TMEM232: variants seen among roughly 807,000 people sequenced by gnomAD.
TMEM232 encodes the protein transmembrane protein 232.
A neutral mutation model predicts 78.8 loss-of-function variants in TMEM232; 80 were observed. The observed-to-expected ratio is 1.01, with a 90% CI of 0.85 to 1.22. The LOEUF (loss-of-function observed/expected upper bound fraction) is 1.22. Ranked by LOEUF, TMEM232 falls within the 50% of genes most tolerant of loss-of-function variation. TMEM232 has a pLI of 0.00. For synonymous variants in TMEM232, 297 were observed against 254.3 expected (o/e 1.17, Z -1.60); for missense variants, 881 against 742.2 (o/e 1.19, Z -2.17).
intron 2 of TMEM232, among the ~76,000 whole-genome samples, chr5:110,402,765 T>C (rs1561456919): frequency 6.6e-6 from 1 of 152,124 alleles, no homozygotes; most frequent in Non-Finnish European, 1.5e-5. Flanking sequence ...GATGTCCAGA[T>C]AGCCTACAAT....
chr5:110,600,113 G>C lies in TMEM232; in HGVS notation c.1276+4996C>G, dbSNP rs534513475. Among the ~76,000 whole-genome samples, 23 of 152,152 alleles carry C rather than the reference G, an allele frequency of 1.5e-4. No individual in the cohort carries two copies. The South Asian group carries it at 3.1e-3, about 21-fold the overall frequency. On this transcript the variant is annotated intron_variant, in intron 10 of 13. Transcript: ENST00000455884. Reference sequence around the variant, plus strand: ...GAAACAAATAAGTTCTTTGAAACCAGTGACAACAAAGGAACAATGTACCAG... The same window carrying C: ...GAAACAAATAAGTTCTTTGAAACCACTGACAACAAAGGAACAATGTACCAG...
At chr5:110,650,401 A>C (rs961311727) in intron 2 of TMEM232, among the ~76,000 whole-genome samples, 1 of 152,130 alleles carries the variant, frequency 6.6e-6, no homozygotes, top group Non-Finnish European at 1.5e-5. Flanking sequence ...AGAGTACAGT[A>C]AGCCAAAGGG....
intron 1 of TMEM232, among the ~76,000 whole-genome samples, chr5:110,678,026 A>G (rs527836326): frequency 1.1e-4 from 16 of 151,854 alleles, no homozygotes; most frequent in African/African-American, 3.9e-4. Context: ...TGTGTTCCCT[A>G]TGTGCACATG....
chr5:110,522,127 G>C (rs1769611684), intron 12 of TMEM232, among the ~76,000 whole-genome samples: 1 of 152,060 alleles, frequency 6.6e-6, no homozygotes, highest in Non-Finnish European at 1.5e-5. Flanking sequence ...CAATCTAGAA[G>C]TCTTTTACAT....
At chr5:110,499,458 T>C (rs1055477711) in intron 12 of TMEM232, among the ~76,000 whole-genome samples, 1 of 152,054 alleles carries the variant, frequency 6.6e-6, no homozygotes, top group African/African-American at 2.4e-5. Flanking sequence ...GTTCTTGCTA[T>C]GTTGCCAGGC....
intron 2 of TMEM232, among the ~76,000 whole-genome samples, chr5:110,665,042 G>T (rs1406470789): frequency 2.0e-5 from 3 of 152,064 alleles, no homozygotes; most frequent in Admixed American, 2.0e-4. Flanking sequence ...TTGAGGTTGG[G>T]ACTTCAACAT....
chr5:110,436,008 CTTTTAGT>C (rs1403075118), intron 12 of TMEM232, among the ~76,000 whole-genome samples: 2 of 151,834 alleles, frequency 1.3e-5, no homozygotes, highest in Non-Finnish European at 2.9e-5. Context: ...GATAGCTTTA[CTTTTAGT>C]TTTCAGAGGA....
intron 8 of TMEM232, chr5:110,610,572 TA>T (rs1335290933): frequency 2.2e-6 from 1 of 456,080 alleles, no homozygotes; most frequent in Non-Finnish European, 4.4e-6. Flanking sequence ...TCTCTCTAGG[TA>T]AAGCACAGGA....
chr5:110,686,935 C>G (rs1339627794), intron 1 of TMEM232, among the ~76,000 whole-genome samples: 1 of 152,134 alleles, frequency 6.6e-6, no homozygotes, highest in African/African-American at 2.4e-5. Context: ...GCTCATGTAG[C>G]ATCACATCAC....
intron 1 of TMEM232, among the ~76,000 whole-genome samples, chr5:110,700,284 T>A (rs1193012610): frequency 6.6e-6 from 1 of 152,062 alleles, no homozygotes; most frequent in Non-Finnish European, 1.5e-5. Context: ...ATGAAGACAG[T>A]CTAAGGAATT....
intron 10 of TMEM232, among the ~76,000 whole-genome samples, chr5:110,576,319 G>A (rs937171285): frequency 6.6e-6 from 1 of 152,006 alleles, no homozygotes; most frequent in Non-Finnish European, 1.5e-5. Context: ...AAGGAATACA[G>A]CTAACTATGG....
In TMEM232 at chr5:110,498,506, TGATAAACTCTG is replaced by T. The variant is rs1765867205; in HGVS notation, c.1703+30071_1703+30081del. ...TTAATTTGAATTACCCTTCCAGAGG[TGATAAACTCTG>T]GATAAAATATAAAAGTTAACTATTT... On this transcript the variant is annotated intron_variant, in intron 12 of 13. Coordinates refer to ENST00000455884, the MANE Select transcript of TMEM232 (RefSeq NM_001039763.4). 2.6e-5 allele frequency among the ~76,000 whole-genome samples: 4 copies of T among 152,160 alleles called. No homozygotes were observed. In the South Asian group the frequency reaches 8.3e-4, roughly 32 times the overall value.
intron 13 of TMEM232, among the ~76,000 whole-genome samples, chr5:110,424,048 T>G (rs148357242): frequency 6.6e-6 from 1 of 152,302 alleles, no homozygotes; most frequent in East Asian, 1.9e-4. Context: ...CCAATACTTA[T>G]AGCTGTTGCT....
At chr5:110,597,684 G>C (rs1169767937) in intron 10 of TMEM232, among the ~76,000 whole-genome samples, 2 of 151,714 alleles carry the variant, frequency 1.3e-5, no homozygotes, top group South Asian at 2.1e-4. Flanking sequence ...CAATGGAACA[G>C]AACAGAGCCC....
At chr5:110,396,140 C>T (rs1332279088) in intron 3 of TMEM232, among the ~76,000 whole-genome samples, 3 of 152,116 alleles carry the variant, frequency 2.0e-5, no homozygotes, top group East Asian at 1.9e-4. Flanking sequence ...GAAGCAAGGG[C>T]ACATCTTATA....
intron 12 of TMEM232, among the ~76,000 whole-genome samples, chr5:110,440,817 GTA>G (rs1260178868): frequency 6.6e-6 from 1 of 152,122 alleles, no homozygotes; most frequent in Non-Finnish European, 1.5e-5. Context: ...TTTCAGGCGT[GTA>G]TAGTTTCATC....
At chr5:110,496,265 G>A (rs1437226599) in intron 12 of TMEM232, among the ~76,000 whole-genome samples, 2 of 151,840 alleles carry the variant, frequency 1.3e-5, no homozygotes, top group Non-Finnish European at 1.5e-5. Flanking sequence ...TAAAATGATC[G>A]TTAATGCAGT....
chr5:110,664,848 C>A (rs1380992998), intron 2 of TMEM232, among the ~76,000 whole-genome samples: 1 of 152,202 alleles, frequency 6.6e-6, no homozygotes, highest in East Asian at 1.9e-4. Flanking sequence ...AATTACCTCC[C>A]AAAGGCCACA....
chr5:110,436,830 T>C (rs1185737492), intron 12 of TMEM232, among the ~76,000 whole-genome samples: 3 of 152,074 alleles, frequency 2.0e-5, no homozygotes, highest in Admixed American at 6.6e-5. Context: ...TTTATGACAG[T>C]ACCATGCTTT....
Sources: allele counts gnomAD v4.1 joint callset (sites outside exome capture counted in the v4.1 genomes callset), GRCh38; gene constraint gnomAD v4.1.1; transcripts MANE v1.5; gene names NCBI Gene and HGNC (gene_info 2026-07-23, HGNC 2026-07-21).